Variants in PRKCA observed in about 807,000 individuals in gnomAD.
PRKCA encodes the protein protein kinase C alpha type.
PRKCA carries 27 observed loss-of-function variants against 87.0 expected under a neutral mutation model. The ratio of observed to expected loss-of-function variants is 0.31; its 90% CI spans 0.23 to 0.43. PRKCA has a LOEUF of 0.43. Ranked by LOEUF, PRKCA falls within the 20% of genes least tolerant of loss-of-function variation. PRKCA has a pLI of 1.00. For synonymous variants in PRKCA, 329 were observed against 311.1 expected (o/e 1.06, Z -0.61); for missense variants, 518 against 852.3 (o/e 0.61, Z 4.88).
At chr17:66,745,547 G>T (rs1037399233) in intron 13 of PRKCA, among the ~76,000 whole-genome samples, 7 of 151,630 alleles carry the variant, frequency 4.6e-5, no homozygotes, top group African/African-American at 1.7e-4. Context: ...CGGGTGTGGT[G>T]GCAGGTGCCT....
rs1490317612 is a variant in PRKCA, at chr17:66,406,591, T to TTTTTTTTG, written c.206-89603_206-89602insGTTTTTTT. Among the ~76,000 whole-genome samples, 6 of 141,204 alleles carry TTTTTTTTG rather than the reference T, an allele frequency of 4.2e-5. No individual in the cohort carries two copies. The Admixed American group carries it at 4.3e-4, about 10-fold the overall frequency. The allele number at this position is 141,204 out of a possible 152,430, so 92.6% of individuals were successfully genotyped here. ...AGCATTGTAGCTTTTCCAGGTTTTT[T>TTTTTTTTG]TTTTTTTTTTTTTTTTTTAAATGTC... On this transcript the variant is annotated intron_variant, in intron 2 of 16. Transcript: ENST00000413366.
intron 3 of PRKCA, among the ~76,000 whole-genome samples, chr17:66,497,496 C>CAA (rs773923259): frequency 8.9e-6 from 1 of 112,168 alleles, no homozygotes. Context: ...AACTCCGTCT[C>CAA]AAAAAAAAAA....
rs563507090 is a variant in PRKCA, at chr17:66,304,743, A to G, written c.174-1353A>G. ...GTACACTTTTATGAAAAGCACAGCC[A>G]CCTCTATGAGTGATTTCCACTGTCT... On this transcript the variant is annotated intron_variant, in intron 1 of 16. Transcript: ENST00000413366. 2.5e-4 allele frequency among the ~76,000 whole-genome samples: 38 copies of G among 152,286 alleles called. No homozygotes were observed. In the South Asian group the frequency reaches 6.8e-3, roughly 27 times the overall value.
intron 3 of PRKCA, among the ~76,000 whole-genome samples, chr17:66,581,460 G>C (rs1170757130): frequency 1.3e-5 from 2 of 152,004 alleles, no homozygotes; most frequent in Non-Finnish European, 2.9e-5. Flanking sequence ...TCTTTCTGAA[G>C]TGTTTTGTTT....
At chr17:66,446,185 C>T (rs1914023961) in intron 2 of PRKCA, among the ~76,000 whole-genome samples, 1 of 151,950 alleles carries the variant, frequency 6.6e-6, no homozygotes, top group Non-Finnish European at 1.5e-5. Context: ...TGAAATGTTG[C>T]CTCTGGGGAA....
intron 3 of PRKCA, among the ~76,000 whole-genome samples, chr17:66,547,429 C>T (rs1345096203): frequency 1.3e-5 from 2 of 152,044 alleles, no homozygotes; most frequent in African/African-American, 2.4e-5. Flanking sequence ...TGAGAGTCAT[C>T]TCCTAGCATC....
rs369555677 is a variant in PRKCA at position 66,609,421 on chromosome 17, C to T, written c.289-31934C>T. On this transcript the variant is annotated intron_variant, in intron 3 of 16. Coordinates refer to ENST00000413366, the MANE Select transcript of PRKCA (RefSeq NM_002737.3). ...ATGAAGCAGTGTCTATTGAGCAAAC[C>T]GGAGAGACCAGCTCCATCCTGGAAA... Among the ~76,000 whole-genome samples the T allele has an allele frequency of 9.9e-5, 15 of 152,218 alleles. No individual in the cohort carries two copies. The South Asian group carries it at 1.0e-3, about 11-fold the overall frequency.
chr17:66,720,975 T>G (rs1483462734), intron 8 of PRKCA, among the ~76,000 whole-genome samples: 1 of 152,196 alleles, frequency 6.6e-6, no homozygotes, highest in Non-Finnish European at 1.5e-5. Flanking sequence ...TAAAGTGGAA[T>G]GTAGTTACGT....
intron 2 of PRKCA, among the ~76,000 whole-genome samples, chr17:66,363,236 T>C (rs72846615): frequency 0.045 from 6,786 of 152,298 alleles, 220 homozygotes; most frequent in Admixed American, 0.078. Context: ...TGCATGTCTA[T>C]CTGTGTGTGT....
At chr17:66,480,420 A>G (rs1598707626) in intron 2 of PRKCA, among the ~76,000 whole-genome samples, 2 of 152,318 alleles carry the variant, frequency 1.3e-5, no homozygotes, top group South Asian at 4.1e-4. Flanking sequence ...CCCCAAGATA[A>G]GCAGAGGGAA....
chr17:66,765,426 A>ATCTATATATCTATATATCTATC lies in PRKCA; in HGVS notation c.1525-8560_1525-8559insCTATATATCTATATATCTATCT, dbSNP rs1343913537. Among the ~76,000 whole-genome samples, 24 of 124,288 alleles carry ATCTATATATCTATATATCTATC rather than the reference A, an allele frequency of 1.9e-4. 1 individual carries two copies. The highest frequency in any genetic ancestry group is 8.8e-4 in the East Asian group (4 of 4,564). 81.5% of individuals were successfully genotyped at this position (124,288 alleles called of 152,430 possible). A position where few individuals can be genotyped will look rare whatever the true frequency, so the allele number is the denominator to read the frequency against. ...ACAGAGCAAGACTTTGTCTATATATATATATATATATATATATATATATAT... is the reference window on the plus strand; with the variant it reads ...ACAGAGCAAGACTTTGTCTATATATATCTATATATCTATATATCTATCTATATATATATATATATATATATAT... On this transcript the variant is annotated intron_variant, in intron 13 of 16. Coordinates refer to ENST00000413366, the MANE Select transcript of PRKCA (RefSeq NM_002737.3).
chr17:66,372,201 C>G (rs1460087324), intron 2 of PRKCA, among the ~76,000 whole-genome samples: 1 of 152,206 alleles, frequency 6.6e-6, no homozygotes, highest in Non-Finnish European at 1.5e-5. Context: ...TGCACTGACA[C>G]AGGCGGTCTG....
Position 66,660,664 on chromosome 17 carries a change from C to T in PRKCA, c.529+15153C>T, listed in dbSNP as rs564418101. The stretch of plus-strand genomic sequence containing the variant: ...CAGCACTTTGGGAAGCCGAGGCGGG[C>T]GGATCACGAGGTCAGGAGATCAAGA... On this transcript the variant is annotated intron_variant, in intron 5 of 16. Transcript: ENST00000413366. Among the ~76,000 whole-genome samples the T allele has an allele frequency of 6.6e-4, 100 of 152,148 alleles. 1 individual carries two copies. In the South Asian group the frequency reaches 0.012, roughly 18 times the overall value.
At chr17:66,778,095 C>T in intron 14 of PRKCA, 1 of 985,466 alleles carries the variant, frequency 1.0e-6, no homozygotes, top group East Asian at 1.1e-4. Context: ...CCCTGGAGAG[C>T]ACCAGGCTCC....
chr17:66,743,848 C>A (rs1437859953), intron 13 of PRKCA, among the ~76,000 whole-genome samples: 1 of 152,180 alleles, frequency 6.6e-6, no homozygotes, highest in Non-Finnish European at 1.5e-5. Flanking sequence ...GTGAAAAAGG[C>A]ACCCACAAGC....
chr17:66,512,673 T>G (rs1917291784), intron 3 of PRKCA, among the ~76,000 whole-genome samples: 1 of 152,104 alleles, frequency 6.6e-6, no homozygotes, highest in Admixed American at 6.5e-5. Flanking sequence ...GCTGAAATAC[T>G]GCCTCCTTCG....
intron 5 of PRKCA, among the ~76,000 whole-genome samples, chr17:66,652,222 G>C (rs756313183): frequency 6.6e-6 from 1 of 152,204 alleles, no homozygotes; most frequent in Non-Finnish European, 1.5e-5. Context: ...ACCTCCCAAA[G>C]TGTTGGGATT....
At chr17:66,752,462 G>C (rs1372193536) in intron 13 of PRKCA, among the ~76,000 whole-genome samples, 2 of 152,126 alleles carry the variant, frequency 1.3e-5, no homozygotes, top group African/African-American at 4.8e-5. Context: ...TGGGTGTGGT[G>C]GTGGGCACCT....
At chr17:66,789,118 T>A (rs1975471767) in intron 16 of PRKCA, 139 bp downstream of exon 16, 3 of 1,065,638 alleles carry the variant, frequency 2.8e-6, no homozygotes, top group African/African-American at 1.6e-5. Flanking sequence ...GGTTTCAGCC[T>A]TGTCCTCAGT....
Sources: allele counts gnomAD v4.1 joint callset (sites outside exome capture counted in the v4.1 genomes callset), GRCh38; gene constraint gnomAD v4.1.1; transcripts MANE v1.5; gene names NCBI Gene and HGNC (gene_info 2026-07-23, HGNC 2026-07-21).